Variants in MGAT4C observed in about 807,000 individuals in gnomAD.
MGAT4C encodes the protein alpha-1,3-mannosyl-glycoprotein 4-beta-N-acetylglucosaminyltransferase C.
Under a neutral mutation model 40.1 loss-of-function variants are expected in MGAT4C, and 19 were observed. That is an observed-to-expected ratio of 0.47 (90% CI 0.33 to 0.70). The LOEUF (loss-of-function observed/expected upper bound fraction) is 0.70, where lower values mean the gene tolerates loss of function less well. Ranked by LOEUF, MGAT4C falls within the 30% of genes least tolerant of loss-of-function variation. The probability of loss-of-function intolerance (pLI) is 0.02; values close to 1 mark genes in which losing one functional copy is unlikely to be tolerated. For synonymous variants in MGAT4C, 181 were observed against 187.1 expected, an observed-to-expected ratio of 0.97 and a Z score of 0.27; for missense variants, 491 against 563.2, an observed-to-expected ratio of 0.87 and a Z score of 1.30.
At chr12:86,631,634 G>A (rs1160092700) in intron 2 of MGAT4C, among the ~76,000 whole-genome samples, 1 of 151,936 alleles carries the variant, frequency 6.6e-6, no homozygotes, top group African/African-American at 2.4e-5. Flanking sequence ...TGACAAACCT[G>A]ACAAAAACAA....
At chr12:85,992,010 A>C (rs1301811034) in intron 2 of MGAT4C, among the ~76,000 whole-genome samples, 1 of 152,124 alleles carries the variant, frequency 6.6e-6, no homozygotes, top group Admixed American at 6.5e-5. Context: ...CACTAGCAAC[A>C]TACGTTTCTG....
intron 3 of MGAT4C, among the ~76,000 whole-genome samples, chr12:86,376,709 G>A (rs1955828577): frequency 6.6e-6 from 1 of 151,580 alleles, no homozygotes; most frequent in South Asian, 2.1e-4. Flanking sequence ...ATATAAATAA[G>A]CAGGACTTAA....
chr12:86,185,824 C>T (rs1230526586), intron 1 of MGAT4C, among the ~76,000 whole-genome samples: 2 of 151,926 alleles, frequency 1.3e-5, no homozygotes, highest in Non-Finnish European at 2.9e-5. Context: ...AAATGCAGAA[C>T]CAAATCAGCA....
chr12:86,690,178 G>C (rs1396084168), intron 2 of MGAT4C, among the ~76,000 whole-genome samples: 1 of 152,136 alleles, frequency 6.6e-6, no homozygotes, highest in East Asian at 1.9e-4. Context: ...CCAAGCACCA[G>C]AGTCCCAGGT....
chr12:86,514,067 A>AAC (rs71078908), intron 2 of MGAT4C, among the ~76,000 whole-genome samples: 21,501 of 133,824 alleles, frequency 0.16, 1,914 homozygotes, highest in African/African-American at 0.28. Context: ...GCCATGCACC[A>AAC]ACACACACAC....
chr12:86,706,250 T>C (rs571883931), intron 2 of MGAT4C, among the ~76,000 whole-genome samples: 1 of 152,302 alleles, frequency 6.6e-6, no homozygotes, highest in Non-Finnish European at 1.5e-5. Flanking sequence ...TATGATTTTA[T>C]TGCAAGACAG....
At chr12:86,254,898 G>A (rs1055293966) in intron 1 of MGAT4C, among the ~76,000 whole-genome samples, 1 of 151,964 alleles carries the variant, frequency 6.6e-6, no homozygotes, top group African/African-American at 2.4e-5. Flanking sequence ...GAGACAATTC[G>A]AACAACAGTA....
chr12:86,302,397 T>TTTGG (rs71076182), intron 4 of MGAT4C, among the ~76,000 whole-genome samples: 7 of 132,494 alleles, frequency 5.3e-5, no homozygotes, highest in African/African-American at 1.6e-4. Flanking sequence ...TTTTTGTTTG[T>TTTGG]TTGGTTGGTT....
intron 1 of MGAT4C, among the ~76,000 whole-genome samples, chr12:86,102,197 T>C (rs1875228594): frequency 6.6e-6 from 1 of 151,914 alleles, no homozygotes; most frequent in South Asian, 2.1e-4. Flanking sequence ...TATCAACAAA[T>C]ACCTGCATAT....
chr12:86,160,113 C>G (rs991845329), intron 1 of MGAT4C, among the ~76,000 whole-genome samples: 1 of 151,478 alleles, frequency 6.6e-6, no homozygotes, highest in Non-Finnish European at 1.5e-5. Flanking sequence ...TTTTCTAGTT[C>G]CTTTAGGTAC....
chr12:86,163,730 AT>A (rs2135807723), intron 1 of MGAT4C, among the ~76,000 whole-genome samples: 1 of 152,300 alleles, frequency 6.6e-6, no homozygotes, highest in South Asian at 2.1e-4. Flanking sequence ...AACGTGAAAC[AT>A]TTTTGAACTA....
At chr12:86,659,454 C>T (rs1298524228) in intron 2 of MGAT4C, among the ~76,000 whole-genome samples, 1 of 152,060 alleles carries the variant, frequency 6.6e-6, no homozygotes, top group Non-Finnish European at 1.5e-5. Context: ...AATTGGAGGA[C>T]TAGCTTACTG....
At chr12:86,507,989 G>C (rs1007058569) in intron 2 of MGAT4C, among the ~76,000 whole-genome samples, 2 of 151,914 alleles carry the variant, frequency 1.3e-5, no homozygotes, top group African/African-American at 4.8e-5. Context: ...TTTGTAGACT[G>C]TTTTTGTTAG....
intron 1 of MGAT4C, among the ~76,000 whole-genome samples, chr12:86,729,497 A>T (rs1318112406): frequency 6.6e-6 from 1 of 152,136 alleles, no homozygotes; most frequent in Non-Finnish European, 1.5e-5. Flanking sequence ...GATTAATTCT[A>T]AAGATTTTCC....
At chr12:86,472,746 A>G (rs1036167300) in intron 2 of MGAT4C, among the ~76,000 whole-genome samples, 43 of 152,138 alleles carry the variant, frequency 2.8e-4, no homozygotes, top group Admixed American at 2.8e-3. Flanking sequence ...AGCAGTTTTG[A>G]GTCTTAGTAG....
At chr12:86,533,900 G>A (rs967984033) in intron 2 of MGAT4C, among the ~76,000 whole-genome samples, 1 of 151,496 alleles carries the variant, frequency 6.6e-6, no homozygotes, top group African/African-American at 2.4e-5. Context: ...TTAAAACAGA[G>A]ATCTTAAGAC....
At chr12:86,300,988 G>C (rs1300797933) in intron 4 of MGAT4C, among the ~76,000 whole-genome samples, 1 of 152,054 alleles carries the variant, frequency 6.6e-6, no homozygotes. Context: ...TGTGCTATAG[G>C]GTCATAGAAG....
chr12:86,252,906 T>C (rs1466529906), intron 1 of MGAT4C, among the ~76,000 whole-genome samples: 1 of 151,940 alleles, frequency 6.6e-6, no homozygotes. Context: ...TGTTTTGATA[T>C]CTACCACAAG....
At chr12:86,457,319 C>T (rs1957526404) in intron 2 of MGAT4C, among the ~76,000 whole-genome samples, 1 of 152,052 alleles carries the variant, frequency 6.6e-6, no homozygotes, top group South Asian at 2.1e-4. Flanking sequence ...ACATAACATA[C>T]AGAATTAGTG....
Sources: allele counts gnomAD v4.1 joint callset (sites outside exome capture counted in the v4.1 genomes callset), GRCh38; gene constraint gnomAD v4.1.1; transcripts MANE v1.5; gene names NCBI Gene and HGNC (gene_info 2026-07-23, HGNC 2026-07-21).